Variants in SLCO6A1 observed in about 807,000 individuals in gnomAD.
SLCO6A1 encodes the protein cancer/testis antigen 48.
A neutral mutation model predicts 72.7 loss-of-function variants in SLCO6A1; 65 were observed. The ratio of observed to expected loss-of-function variants is 0.89; its 90% confidence interval spans 0.73 to 1.10. SLCO6A1 has a LOEUF of 1.10. SLCO6A1 is among the 50% of genes least tolerant of loss of function. SLCO6A1 has a pLI of 0.00. For missense variants in SLCO6A1, 874 were observed against 872.6 expected (o/e 1.00, Z -0.02); for synonymous variants, 314 against 298.2 (o/e 1.05, Z -0.55).
rs1302616066 is a variant in SLCO6A1 at position 102,498,562 on chromosome 5, C to T, written c.283G>A (p.Val95Ile). Residue 95 changes from valine to isoleucine, a missense_variant, in exon 1 of 14, where the codon GTC becomes ATC. Physicochemically the swap from Val to Ile is conservative, Grantham distance 29. Transcript: ENST00000506729. ...LEQPCGLGCL[V>I]STCCECCNNI... ...TTGCAACACTCACAGCAGGTGCTGA[C>T]TAAGCAGCCCAAACCACAGGGCTGC... 6.2e-7 allele frequency: 1 copy of T among 1,614,152 alleles called. No individual in the cohort carries two copies. Among genetic ancestry groups the T allele is most frequent in the African/African-American group, 1.3e-5 (1 of 74,960 alleles).
intron 1 of SLCO6A1, among the ~76,000 whole-genome samples, chr5:102,483,196 T>C (rs1276765977): frequency 6.6e-6 from 1 of 152,194 alleles, no homozygotes; most frequent in Non-Finnish European, 1.5e-5. Context: ...TTCATTCAGA[T>C]AGGATAACTC....
chr5:102,450,893 C>T (rs1750380083), intron 6 of SLCO6A1, among the ~76,000 whole-genome samples: 1 of 152,200 alleles, frequency 6.6e-6, no homozygotes, highest in Non-Finnish European at 1.5e-5. Context: ...AGCACTCAGA[C>T]CCTTTATCTC....
At chr5:102,391,833 A>G (rs2112523522) in intron 10 of SLCO6A1, among the ~76,000 whole-genome samples, 1 of 142,110 alleles carries the variant, frequency 7.0e-6, no homozygotes, top group East Asian at 2.0e-4. Flanking sequence ...GCTAAAATAA[A>G]TGAAAAATAA....
At chr5:102,382,427 T>G (rs1272953217) in intron 12 of SLCO6A1, among the ~76,000 whole-genome samples, 1 of 151,816 alleles carries the variant, frequency 6.6e-6, no homozygotes, top group East Asian at 1.9e-4. Flanking sequence ...CGCTTTCAGC[T>G]TTGTTCATTT....
At chr5:102,468,071 T>C (rs1466087476) in intron 4 of SLCO6A1, among the ~76,000 whole-genome samples, 2 of 152,122 alleles carry the variant, frequency 1.3e-5, no homozygotes, top group Non-Finnish European at 1.5e-5. Flanking sequence ...TTAATTTCCA[T>C]ACTGATTTCA....
chr5:102,417,925 G>T (rs987585239), intron 8 of SLCO6A1, among the ~76,000 whole-genome samples: 18 of 151,924 alleles, frequency 1.2e-4, no homozygotes, highest in African/African-American at 4.4e-4. Context: ...AACCCTGAAG[G>T]TGGAGGTTGC....
intron 4 of SLCO6A1, among the ~76,000 whole-genome samples, chr5:102,469,668 T>C (rs562230863): frequency 1.3e-5 from 2 of 152,190 alleles, no homozygotes; most frequent in Non-Finnish European, 2.9e-5. Flanking sequence ...CTTGCCTGAT[T>C]GCCCTGGCCA....
intron 4 of SLCO6A1, among the ~76,000 whole-genome samples, chr5:102,473,799 A>C (rs918016393): frequency 1.3e-5 from 2 of 152,064 alleles, no homozygotes; most frequent in African/African-American, 4.8e-5. Context: ...TGCAGGATGC[A>C]ATATCAACAC....
intron 12 of SLCO6A1, among the ~76,000 whole-genome samples, chr5:102,373,980 T>C (rs958170596): frequency 1.3e-5 from 2 of 152,154 alleles, no homozygotes; most frequent in Non-Finnish European, 2.9e-5. Flanking sequence ...TATACAAATG[T>C]ACTTGAATAT....
intron 7 of SLCO6A1, 55 bp downstream of exon 7, chr5:102,438,562 A>C (rs1413935112): frequency 7.5e-7 from 1 of 1,341,552 alleles, no homozygotes; most frequent in East Asian, 2.6e-5. Flanking sequence ...TTTCATAAGT[A>C]CATACAATAA....
intron 10 of SLCO6A1, among the ~76,000 whole-genome samples, chr5:102,396,265 G>A (rs930271663): frequency 6.6e-6 from 1 of 151,882 alleles, no homozygotes; most frequent in Non-Finnish European, 1.5e-5. Context: ...CATATGGCTA[G>A]CCAGTTTTCC....
intron 10 of SLCO6A1, among the ~76,000 whole-genome samples, chr5:102,395,015 T>TC (rs1448231045): frequency 6.6e-6 from 1 of 151,756 alleles, no homozygotes; most frequent in African/African-American, 2.4e-5. Flanking sequence ...AAGTCACTAC[T>TC]TTTTTTTAAT....
chr5:102,413,045 T>G lies in SLCO6A1; in HGVS notation c.1571A>C (p.Tyr524Ser). Residue 524 changes from tyrosine (Y) to serine (S), a missense_variant, in exon 9 of 14, where the codon TAT becomes TCT. Transcript: ENST00000506729. ...SSICGRDDIE[Y>S]FSPCFAGCTY... ...ACACCCTGCAAAGCAGGGAGAAAAA[T>G]ATTCAATATCATCTCTTCCACATAT... 2 of 1,566,348 alleles carry G rather than the reference T, an allele frequency of 1.3e-6. No individual in the cohort carries two copies. Among genetic ancestry groups the G allele is most frequent in the South Asian group, 1.3e-5 (1 of 77,626 alleles).
intron 7 of SLCO6A1, among the ~76,000 whole-genome samples, chr5:102,428,272 G>C (rs757076358): frequency 2.0e-5 from 3 of 151,762 alleles, no homozygotes; most frequent in Admixed American, 6.6e-5. Flanking sequence ...CCACAAAAAG[G>C]CTTCTAGCAG....
rs1415783294 is a variant in SLCO6A1, at chr5:102,372,046, G to A, written c.*93C>T. The A allele has an allele frequency of 2.0e-5, 3 of 151,922 alleles. No individual in the cohort carries two copies. Among genetic ancestry groups the A allele is most frequent in the Non-Finnish European group, 4.4e-5 (3 of 67,898 alleles). The allele number at this position is 151,922 out of a possible 1,614,324, so 9.4% of individuals were successfully genotyped here. ...GTGTGATTTTCCTCTTCTGAAAGTTGGGCACAGAAACAAATCTTGGAGAAT... is the reference window on the plus strand; with the variant it reads ...GTGTGATTTTCCTCTTCTGAAAGTTAGGCACAGAAACAAATCTTGGAGAAT... On this transcript the variant is annotated 3_prime_UTR_variant, in exon 14 of 14. Transcript: ENST00000506729.
chr5:102,435,800 G>T (rs1262977399), intron 7 of SLCO6A1, among the ~76,000 whole-genome samples: 3 of 151,972 alleles, frequency 2.0e-5, no homozygotes, highest in African/African-American at 7.3e-5. Flanking sequence ...GCTTGAACCT[G>T]GGAGGTGGAG....
chr5:102,459,979 T>G (rs577049371), intron 4 of SLCO6A1, among the ~76,000 whole-genome samples: 2 of 152,274 alleles, frequency 1.3e-5, no homozygotes, highest in South Asian at 4.1e-4. Flanking sequence ...ATGTGCTTGT[T>G]TTGTCTTACA....
intron 12 of SLCO6A1, among the ~76,000 whole-genome samples, chr5:102,386,113 T>C (rs1314346226): frequency 1.3e-5 from 2 of 152,212 alleles, no homozygotes; most frequent in Non-Finnish European, 2.9e-5. Context: ...ATTCCAGTCC[T>C]TACATACTTG....
At chr5:102,395,087 C>T (rs149204440) in intron 10 of SLCO6A1, among the ~76,000 whole-genome samples, 8,239 of 151,962 alleles carry the variant, frequency 0.054, 735 homozygotes, top group African/African-American at 0.19. Context: ...ATGTGCACAA[C>T]GTGCAGGTTA....
Sources: gnomAD v4.1 joint callset for allele counts (sites outside exome capture counted in the v4.1 genomes callset) on GRCh38, gnomAD v4.1.1 for gene constraint, MANE v1.5 for transcripts, NCBI Gene and HGNC (gene_info 2026-07-23, HGNC 2026-07-21) for gene names.